Variants in FBLN1 observed in about 807,000 individuals in gnomAD.
FBLN1 encodes the protein fibulin-1.
A neutral mutation model predicts 89.7 loss-of-function variants in FBLN1; 34 were observed. The ratio of observed to expected loss-of-function variants is 0.38; its 90% CI spans 0.29 to 0.50. FBLN1 has a LOEUF of 0.50. FBLN1 is among the 20% of genes least tolerant of loss of function. The probability of loss-of-function intolerance (pLI) is 0.92; values close to 1 mark genes in which losing one functional copy is unlikely to be tolerated. For missense variants in FBLN1, 777 were observed against 988.1 expected, an observed-to-expected ratio of 0.79 and a Z score of 2.86; for synonymous variants, 393 against 391.3, an observed-to-expected ratio of 1.00 and a Z score of -0.05.
intron 16 of FBLN1, among the ~76,000 whole-genome samples, chr22:45,599,912 C>G (rs6007107): frequency 6.6e-6 from 1 of 152,032 alleles, no homozygotes; most frequent in East Asian, 1.9e-4. Flanking sequence ...AGTGAAACTC[C>G]GTCGCAAAAA....
At chr22:45,517,839 G>A in intron 1 of FBLN1, 1 of 349,724 alleles carries the variant, frequency 2.9e-6, no homozygotes, top group Non-Finnish European at 5.7e-6. Context: ...TCTAGAAATG[G>A]TGGTTTTTAG....
At chr22:45,505,160 G>A (rs2088001884) in intron 1 of FBLN1, among the ~76,000 whole-genome samples, 1 of 152,224 alleles carries the variant, frequency 6.6e-6, no homozygotes, top group Non-Finnish European at 1.5e-5. Context: ...GTGTCTGTCC[G>A]TCCCGTTGGG....
intron 1 of FBLN1, among the ~76,000 whole-genome samples, chr22:45,510,225 G>C (rs145433026): frequency 1.3e-5 from 2 of 152,100 alleles, no homozygotes; most frequent in African/African-American, 4.8e-5. Flanking sequence ...GGAAGGACGC[G>C]GTCTCACAAT....
In FBLN1 at chr22:45,580,438, C is replaced by A. The variant is rs2089032936; in HGVS notation, c.1972+3330C>A. 1.3e-5 allele frequency among the ~76,000 whole-genome samples: 2 copies of A among 152,174 alleles called. No individual in the cohort carries two copies. Among genetic ancestry groups the A allele is most frequent in the Non-Finnish European group, 2.9e-5 (2 of 68,024 alleles). The stretch of plus-strand genomic sequence containing the variant: ...GGAGGGCTTCCTGGAGGAGGTGAGG[C>A]CCGAGCTGAGTGTCCTTGCATGTGA... On this transcript the variant is annotated intron_variant, in intron 16 of 16. Coordinates refer to ENST00000327858, the MANE Select transcript of FBLN1 (RefSeq NM_006486.3). This position sits in a 1 kb window ranked among gnomAD's most constrained non-coding sequence, Gnocchi z 8.6.
intron 14 of FBLN1, among the ~76,000 whole-genome samples, chr22:45,569,871 T>C (rs1214568718): frequency 6.6e-6 from 1 of 152,096 alleles, no homozygotes; most frequent in Admixed American, 6.5e-5. Context: ...GTCTGTTGTA[T>C]AGCAAACAAA....
intron 1 of FBLN1, among the ~76,000 whole-genome samples, chr22:45,508,286 C>CTTTTT (rs1350335831): frequency 7.7e-6 from 1 of 129,132 alleles, no homozygotes; most frequent in East Asian, 2.7e-4. Context: ...CCTCGCGTAT[C>CTTTTT]TTTTTTTTTG....
At position 45,513,756 on chromosome 22, in the gene FBLN1, C is replaced by T. The variant is rs533034143; in HGVS notation, c.80-4926C>T. 7.9e-5 allele frequency among the ~76,000 whole-genome samples: 12 copies of T among 152,254 alleles called. No homozygotes were observed. The South Asian group carries it at 1.5e-3, about 18-fold the overall frequency. Reference sequence around the variant, plus strand: ...GGTACTCTTATCCTGGGTCACCATACGTGCCTTACTGGCCTTTCTTTTCAT... The same window carrying T: ...GGTACTCTTATCCTGGGTCACCATATGTGCCTTACTGGCCTTTCTTTTCAT... On this transcript the variant is annotated intron_variant, in intron 1 of 16. Coordinates refer to ENST00000327858, the MANE Select transcript of FBLN1 (RefSeq NM_006486.3).
Position 45,588,561 on chromosome 22 carries a change from G to C in FBLN1, c.1972+11453G>C, listed in dbSNP as rs1485380118. Reference sequence around the variant, plus strand: ...TGGGGTCACCCCAACCCAGCCCCCAGCAGTTGCCCATAACTGGCCGCAGGA... The same window carrying C: ...TGGGGTCACCCCAACCCAGCCCCCACCAGTTGCCCATAACTGGCCGCAGGA... On this transcript the variant is annotated intron_variant, in intron 16 of 16. Transcript: ENST00000327858. The surrounding 1 kb of genome is among the most constrained non-coding windows in gnomAD (Gnocchi z 5.1). 2.0e-5 allele frequency among the ~76,000 whole-genome samples: 3 copies of C among 152,062 alleles called. No homozygotes were observed. Among genetic ancestry groups the C allele is most frequent in the Non-Finnish European group, 4.4e-5 (3 of 68,016 alleles).
rs1157365141 is a variant in FBLN1, at chr22:45,531,243, A to C, written c.485-22A>C. 6.2e-7 allele frequency: 1 copy of C among 1,610,784 alleles called. No homozygotes were observed. Among genetic ancestry groups the C allele is most frequent in the South Asian group, 1.1e-5 (1 of 91,014 alleles). The stretch of plus-strand genomic sequence containing the variant: ...AGATGGGTGTTTGGATAAATGTCTG[A>C]CTTGGTCTTTTTCCCCCTTAGATAA... On this transcript the variant is annotated intron_variant, in intron 4 of 16. Coordinates refer to ENST00000327858, the MANE Select transcript of FBLN1 (RefSeq NM_006486.3). This position sits in a 1 kb window ranked among gnomAD's most constrained non-coding sequence, Gnocchi z 4.9.
intron 4 of FBLN1, among the ~76,000 whole-genome samples, chr22:45,529,153 C>T (rs1017472165): frequency 3.9e-5 from 6 of 152,204 alleles, no homozygotes; most frequent in African/African-American, 1.2e-4. Flanking sequence ...GCACAGCCGA[C>T]ACGTGGAGGA....
chr22:45,551,349 G>C (rs1339992765), intron 14 of FBLN1, among the ~76,000 whole-genome samples: 1 of 152,236 alleles, frequency 6.6e-6, no homozygotes, highest in Non-Finnish European at 1.5e-5. Context: ...CTGAGTGCAC[G>C]ATGCAGGCAG....
At position 45,562,968 on chromosome 22, in the gene FBLN1, G is replaced by A. The variant is rs1221475196; in HGVS notation, c.1698-11543G>A. ...CGGGAGTGCTCCAAGCTGCCTCTGA[G>A]AATAACCTACTACCACCTCTCTTTC... is the stretch of plus-strand genomic sequence containing the variant. On this transcript the variant is annotated intron_variant, in intron 14 of 16. Transcript: ENST00000327858. This position sits in a 1 kb window ranked among gnomAD's most constrained non-coding sequence, Gnocchi z 7.8. The A allele has an allele frequency of 6.2e-7, 1 of 1,614,026 alleles. No individual in the cohort carries two copies. Among genetic ancestry groups the A allele is most frequent in the South Asian group, 1.1e-5 (1 of 91,078 alleles).
intron 2 of FBLN1, among the ~76,000 whole-genome samples, chr22:45,521,879 A>T (rs984066521): frequency 1.3e-5 from 2 of 152,218 alleles, no homozygotes; most frequent in African/African-American, 4.8e-5. Context: ...GATAGGGCAG[A>T]TCAGAAATCA....
At chr22:45,524,331 C>T (rs2088291160) in intron 2 of FBLN1, among the ~76,000 whole-genome samples, 1 of 152,216 alleles carries the variant, frequency 6.6e-6, no homozygotes, top group African/African-American at 2.4e-5. Flanking sequence ...TCAGGGGCCA[C>T]CCGTGACACA....
intron 1 of FBLN1, among the ~76,000 whole-genome samples, chr22:45,507,441 T>G (rs893987422): frequency 4.4e-4 from 67 of 152,338 alleles, no homozygotes; most frequent in African/African-American, 1.5e-3. Flanking sequence ...TTATTATAGG[T>G]GAAATGCTTT....
At chr22:45,568,676 TCTTC>T (rs1487978368) in intron 14 of FBLN1, among the ~76,000 whole-genome samples, 7 of 76,918 alleles carry the variant, frequency 9.1e-5, no homozygotes, top group African/African-American at 2.1e-4. Context: ...GGGGAATGCC[TCTTC>T]TGTAGGGGAA....
rs1379837447 is a variant in FBLN1 at position 45,534,410 on chromosome 22, C to T, written c.784+512C>T. Among the ~76,000 whole-genome samples, 4 of 152,074 alleles carry T rather than the reference C, an allele frequency of 2.6e-5. No homozygotes were observed. In the East Asian group the frequency reaches 5.8e-4, roughly 22 times the overall value. On this transcript the variant is annotated intron_variant, in intron 7 of 16. Coordinates refer to ENST00000327858, the MANE Select transcript of FBLN1 (RefSeq NM_006486.3). ...CTTGAAGTTCAAAGCATATCCCCTT[C>T]CACTGCATAAACACATGGCATTTCT...
Position 45,592,419 on chromosome 22 carries a change from C to G in FBLN1, c.1973-7888C>G, listed in dbSNP as rs189893037. On this transcript the variant is annotated intron_variant, in intron 16 of 16. Transcript: ENST00000327858. ...TCGGCTCACTGCAACCTCTGCCTCCCATGTTCAGGTGATTCTCCCTGCCTC... is the reference window on the plus strand; with the variant it reads ...TCGGCTCACTGCAACCTCTGCCTCCGATGTTCAGGTGATTCTCCCTGCCTC... Among the ~76,000 whole-genome samples, 369 of 152,248 alleles carry G rather than the reference C, an allele frequency of 2.4e-3. 4 individuals carry two copies. Among genetic ancestry groups the G allele is most frequent in the Admixed American group, 2.5e-3 (38 of 15,298 alleles).
chr22:45,524,856 G>C (rs908870885), intron 2 of FBLN1, among the ~76,000 whole-genome samples: 1 of 152,058 alleles, frequency 6.6e-6, no homozygotes, highest in Non-Finnish European at 1.5e-5. Context: ...AGGCTGAGGC[G>C]GGGGGATCAC....
Sources: gnomAD v4.1 joint callset for allele counts (sites outside exome capture counted in the v4.1 genomes callset) on GRCh38, gnomAD v4.1.1 for gene constraint, Gnocchi (gnomAD v3.1) non-coding constraint, MANE v1.5 for transcripts, NCBI Gene and HGNC (gene_info 2026-07-23, HGNC 2026-07-21) for gene names.